PNPLA6: variants seen among roughly 807,000 people sequenced by gnomAD.
PNPLA6 encodes the protein patatin like domain 6, lysophospholipase, also known as patatin-like phospholipase domain-containing protein 6.
Under a neutral mutation model 153.7 loss-of-function variants are expected in PNPLA6, and 105 were observed. The ratio of observed to expected loss-of-function variants is 0.68; its 90% CI spans 0.58 to 0.80. The LOEUF is 0.80. PNPLA6 is among the 30% of genes least tolerant of loss of function. PNPLA6 has a pLI of 0.00. For synonymous variants in PNPLA6, 825 were observed against 822.2 expected (o/e 1.00, Z -0.06); for missense variants, 1,423 against 1,919.3 (o/e 0.74, Z 4.83).
At chr19:7,551,165 GC>G (rs1374644991) in intron 17 of PNPLA6, 58 bp downstream of exon 17, 1 of 1,033,834 alleles carries the variant, frequency 9.7e-7, no homozygotes, top group East Asian at 2.7e-5. Flanking sequence ...GGGGGTGGGG[GC>G]CGGGCCTAGT....
rs932785608 is a variant in PNPLA6 at position 7,536,502 on chromosome 19, G to A, written c.369G>A (p.Arg123=). 1 of 1,614,044 alleles carries A rather than the reference G, an allele frequency of 6.2e-7. No homozygotes were observed. The highest frequency in any genetic ancestry group is 1.7e-5 in the Admixed American group (1 of 60,024). Residue 123 remains arginine (R), a synonymous_variant, in exon 3 of 32, where the codon CGG becomes CGA. Coordinates refer to ENST00000600737, the MANE Select transcript of PNPLA6 (RefSeq NM_001166114.2). Reference sequence around the variant, plus strand: ...ATACCTCTGTCTCCGCCACCTCCCGGCCACGCATGAGGAAGAAACTGAAGA... The same window carrying A: ...ATACCTCTGTCTCCGCCACCTCCCGACCACGCATGAGGAAGAAACTGAAGA... The part of the protein sequence containing the change: ...LVDTSVSATS[R]PRMRKKLKML...
At chr19:7,560,937 A>G (rs1172026778) in intron 29 of PNPLA6, 77 bp from the exon 30 acceptor site, 1 of 907,040 alleles carries the variant, frequency 1.1e-6, no homozygotes, top group African/African-American at 1.6e-5. Flanking sequence ...CTGAGCCCCC[A>G]ATGCACCACT....
intron 24 of PNPLA6, 107 bp from the exon 25 acceptor site, chr19:7,556,346 G>C: frequency 2.5e-6 from 2 of 788,690 alleles, no homozygotes; most frequent in Non-Finnish European, 4.6e-6. Flanking sequence ...ACCAGTGTGA[G>C]CCGCTGCACC....
chr19:7,554,056 TG>T, intron 19 of PNPLA6, 41 bp downstream of exon 19: 1 of 1,239,414 alleles, frequency 8.1e-7, no homozygotes, highest in Non-Finnish European at 1.1e-6. Context: ...TGGCGGTGGG[TG>T]GGACATTAGT....
Position 7,535,752 on chromosome 19 carries a change from G to T in PNPLA6, c.-37G>T, listed in dbSNP as rs759898895. On this transcript the variant is annotated 5_prime_UTR_variant, in exon 1 of 32. Coordinates refer to ENST00000600737, the MANE Select transcript of PNPLA6 (RefSeq NM_001166114.2). This position sits in a 1 kb window ranked among gnomAD's most constrained non-coding sequence, Gnocchi z 5.0. ...CCGCCGGGCCTCAGGGAAGAGTCGCGCCCCCGGGGAGGGAGCAGCACTGGC... is the reference window on the plus strand; with the variant it reads ...CCGCCGGGCCTCAGGGAAGAGTCGCTCCCCCGGGGAGGGAGCAGCACTGGC... 7 of 1,519,054 alleles carry T rather than the reference G, an allele frequency of 4.6e-6. No homozygotes were observed. The highest frequency in any genetic ancestry group is 6.2e-6 in the Non-Finnish European group (7 of 1,133,578). 94.1% of individuals were successfully genotyped at this position (1,519,054 alleles called of 1,614,324 possible). A position where few individuals can be genotyped will look rare whatever the true frequency, so the allele number is the denominator to read the frequency against.
Position 7,549,110 on chromosome 19 carries a change from A to T in PNPLA6, c.1609-797A>T, listed in dbSNP as rs200054405. Among the ~76,000 whole-genome samples the T allele has an allele frequency of 1.1e-3, 157 of 148,602 alleles. 1 individual carries two copies. The East Asian group carries it at 0.026, about 25-fold the overall frequency. ...GAGCCATCGCGCCCGGCTAAAAAATATTTTTATATTTATTTATATTTATAT... is the reference window on the plus strand; with the variant it reads ...GAGCCATCGCGCCCGGCTAAAAAATTTTTTTATATTTATTTATATTTATAT... On this transcript the variant is annotated intron_variant, in intron 13 of 31. Coordinates refer to ENST00000600737, the MANE Select transcript of PNPLA6 (RefSeq NM_001166114.2).
intron 3 of PNPLA6, among the ~76,000 whole-genome samples, chr19:7,538,099 G>A (rs1211891299): frequency 6.6e-6 from 1 of 152,172 alleles, no homozygotes; most frequent in African/African-American, 2.4e-5. Context: ...TTGTCAGAGG[G>A]CTGTCTGAGC....
intron 16 of PNPLA6, 124 bp downstream of exon 16, chr19:7,550,764 A>C (rs2023607551): frequency 7.8e-7 from 1 of 1,282,584 alleles, no homozygotes; most frequent in Non-Finnish European, 1.1e-6. Flanking sequence ...GAGGTCACCC[A>C]GTCCACTCCC....
chr19:7,549,899 C>A lies in PNPLA6; in HGVS notation c.1609-8C>A. 1 of 1,613,052 alleles carries A rather than the reference C, an allele frequency of 6.2e-7. No individual in the cohort carries two copies. Among genetic ancestry groups the A allele is most frequent in the Non-Finnish European group, 8.5e-7 (1 of 1,179,784 alleles). On this transcript the variant is annotated splice_polypyrimidine_tract_variant and splice_region_variant and intron_variant, in intron 13 of 31. Transcript: ENST00000600737. ...GTTCTGTGTTCATCACATCCCCTGCCCGCACAGGACGTGAGCCTGCACTTC... is the reference window on the plus strand; with the variant it reads ...GTTCTGTGTTCATCACATCCCCTGCACGCACAGGACGTGAGCCTGCACTTC...
At chr19:7,535,675 A>T (rs2022821973), upstream of PNPLA6, 1 of 1,534,526 alleles carries the variant, frequency 6.5e-7, no homozygotes, top group Non-Finnish European at 8.8e-7. This position sits in a 1 kb window ranked among gnomAD's most constrained non-coding sequence, Gnocchi z 5.0. Context: ...GTCTGGCGAT[A>T]ACGCGCTGCG....
At chr19:7,537,182 G>T (rs1158806619) in intron 3 of PNPLA6, among the ~76,000 whole-genome samples, 1 of 152,098 alleles carries the variant, frequency 6.6e-6, no homozygotes. Context: ...TTCCATGTAG[G>T]TTATTTCATG....
rs779272532 is a variant in PNPLA6 at position 7,541,797 on chromosome 19, G to A, written c.1168+113G>A. On this transcript the variant is annotated intron_variant, in intron 9 of 31. Coordinates refer to ENST00000600737, the MANE Select transcript of PNPLA6 (RefSeq NM_001166114.2). The surrounding 1 kb of genome is among the most constrained non-coding windows in gnomAD (Gnocchi z 5.2). ...CAACCTGACCTTGTCCAGCCCCACA[G>A]GGACTCCATAGCGGGGTACCCAGGT... is the stretch of plus-strand genomic sequence containing the variant. 3.4e-5 allele frequency: 44 copies of A among 1,277,874 alleles called. No homozygotes were observed. Among genetic ancestry groups the A allele is most frequent in the Non-Finnish European group, 4.4e-5 (40 of 911,908 alleles). 79.2% of individuals were successfully genotyped at this position (1,277,874 alleles called of 1,614,324 possible). A position where few individuals can be genotyped will look rare whatever the true frequency, so the allele number is the denominator to read the frequency against.
At chr19:7,549,407 C>T (rs1328507159) in intron 13 of PNPLA6, among the ~76,000 whole-genome samples, 2 of 151,578 alleles carry the variant, frequency 1.3e-5, no homozygotes, top group East Asian at 1.9e-4. Context: ...AGGATGGTCT[C>T]GATCTCCTGA....
At chr19:7,546,345 T>C (rs1568412616) in intron 13 of PNPLA6, among the ~76,000 whole-genome samples, 1 of 152,008 alleles carries the variant, frequency 6.6e-6, no homozygotes, top group Non-Finnish European at 1.5e-5. Context: ...GTATATACTT[T>C]AGGCTGGGCA....
Position 7,542,682 on chromosome 19 carries a change from G to C in PNPLA6, c.1362+12G>C. On this transcript the variant is annotated intron_variant, in intron 11 of 31. Coordinates refer to ENST00000600737, the MANE Select transcript of PNPLA6 (RefSeq NM_001166114.2). ...CAGCCCCCGCTCGGGTAAGGCTTGG[G>C]ACCCTGCCCGGTGGTGGAGCCCGCA... 2 of 1,612,406 alleles carry C rather than the reference G, an allele frequency of 1.2e-6. No individual in the cohort carries two copies. The highest frequency in any genetic ancestry group is 2.2e-5 in the South Asian group (2 of 91,054).
chr19:7,560,574 A>G, intron 28 of PNPLA6, 74 bp from the exon 29 acceptor site: 1 of 1,029,648 alleles, frequency 9.7e-7, no homozygotes, highest in Non-Finnish European at 1.5e-6. Context: ...TTGAGGGGCC[A>G]GAGAATGGGC....
At chr19:7,539,532 C>T (rs924106821) in intron 3 of PNPLA6, among the ~76,000 whole-genome samples, 1 of 142,926 alleles carries the variant, frequency 7.0e-6, no homozygotes, top group South Asian at 2.2e-4. Flanking sequence ...CCGAGTCGGG[C>T]GGATCACCTG....
In PNPLA6 at chr19:7,542,770, C is replaced by T; in HGVS notation, c.1372C>T (p.Gln458Ter). Residue 458 changes from glutamine (Q) to a stop codon, truncating the protein, a stop_gained, in exon 12 of 32, where the codon CAG (glutamine) becomes TAG (stop). Coordinates refer to ENST00000600737, the MANE Select transcript of PNPLA6 (RefSeq NM_001166114.2). LOFTEE classifies it high-confidence loss of function. The stretch of plus-strand genomic sequence containing the variant: ...AGCCTGCCCCACTCAGACCCCCACT[C>T]AGGAGCCTCGTGAGCAGCCGGCAGG... ...SLAAPARTPTQEPREQPAGAC... is the reference protein window; with the variant it reads ...SLAAPARTPT 2 of 1,613,046 alleles carry T rather than the reference C, an allele frequency of 1.2e-6. No homozygotes were observed. The highest frequency in any genetic ancestry group is 1.7e-6 in the Non-Finnish European group (2 of 1,179,956).
chr19:7,542,471 A>G, intron 10 of PNPLA6, 90 bp from the exon 11 acceptor site: 2 of 967,654 alleles, frequency 2.1e-6, no homozygotes, highest in Non-Finnish European at 3.3e-6. Flanking sequence ...AATAGCTGGA[A>G]CTACAGGCCT....
Sources: gnomAD v4.1 joint callset for allele counts (sites outside exome capture counted in the v4.1 genomes callset) on GRCh38, gnomAD v4.1.1 for gene constraint, Gnocchi (gnomAD v3.1) non-coding constraint, MANE v1.5 for transcripts, NCBI Gene and HGNC (gene_info 2026-07-23, HGNC 2026-07-21) for gene names.